The following ZFYVE9 variants were observed in gnomAD, a reference collection of about 807,000 sequenced individuals.
ZFYVE9 encodes zinc finger FYVE domain-containing protein 9.
In ZFYVE9, 43 loss-of-function variants were observed where a neutral mutation model predicts 126.7. The ratio of observed to expected loss-of-function variants is 0.34; its 90% CI spans 0.27 to 0.44. The LOEUF is 0.44. Among genes scored for constraint, ZFYVE9 ranks in the 20% least tolerant of loss-of-function variants. ZFYVE9 has a pLI of 1.00. For synonymous variants in ZFYVE9, 521 were observed against 597.4 expected, an observed-to-expected ratio of 0.87 and a Z score of 1.87; for missense variants, 1,476 against 1,697.0, an observed-to-expected ratio of 0.87 and a Z score of 2.29.
At chr1:52,256,926 C>T (rs1645526177) in intron 4 of ZFYVE9, among the ~76,000 whole-genome samples, 1 of 152,170 alleles carries the variant, frequency 6.6e-6, no homozygotes, top group South Asian at 2.1e-4. Context: ...TTATTATTCT[C>T]ACATCACAGT....
intron 7 of ZFYVE9, among the ~76,000 whole-genome samples, chr1:52,271,612 T>C (rs1023367665): frequency 6.6e-6 from 1 of 152,134 alleles, no homozygotes; most frequent in African/African-American, 2.4e-5. Flanking sequence ...CTTTTTATGA[T>C]ATTAAAAGGA....
chr1:52,246,672 C>T (rs189830974), intron 4 of ZFYVE9, among the ~76,000 whole-genome samples: 105 of 146,612 alleles, frequency 7.2e-4, no homozygotes, highest in African/African-American at 2.3e-3. Flanking sequence ...GCTGGGGCTA[C>T]GAGCATGTGC....
chr1:52,264,530 T>A (rs1268254250), intron 5 of ZFYVE9, among the ~76,000 whole-genome samples: 1 of 152,222 alleles, frequency 6.6e-6, no homozygotes, highest in African/African-American at 2.4e-5. Context: ...GCATATTAGT[T>A]AAAAACCCTG....
intron 10 of ZFYVE9, among the ~76,000 whole-genome samples, chr1:52,282,766 C>T (rs1208748176): frequency 1.3e-5 from 2 of 152,058 alleles, no homozygotes; most frequent in Non-Finnish European, 2.9e-5. Flanking sequence ...AACCTGAATG[C>T]CTTAGCTATA....
At chr1:52,189,320 T>A (rs956152321) in intron 1 of ZFYVE9, among the ~76,000 whole-genome samples, 13 of 151,674 alleles carry the variant, frequency 8.6e-5, no homozygotes, top group African/African-American at 3.2e-4. Flanking sequence ...CACTGCAACC[T>A]CTGCCTCCTG....
intron 1 of ZFYVE9, chr1:52,160,244 T>C (rs1225664526): frequency 2.3e-6 from 2 of 851,916 alleles, no homozygotes; most frequent in Non-Finnish European, 4.1e-6. Flanking sequence ...GGATGGACTT[T>C]ATTTTTCTCT....
intron 12 of ZFYVE9, among the ~76,000 whole-genome samples, chr1:52,298,806 G>GTTTTTTTTTT (rs747544817): frequency 9.2e-6 from 1 of 109,196 alleles, no homozygotes; most frequent in African/African-American, 3.9e-5. Flanking sequence ...CTTTGTCAAT[G>GTTTTTTTTTT]TTTTTTTTTT....
chr1:52,336,947 TAAAAAA>T (rs71041896), intron 15 of ZFYVE9, among the ~76,000 whole-genome samples: 49 of 107,852 alleles, frequency 4.5e-4, no homozygotes, highest in Non-Finnish European at 5.1e-4. Context: ...AGTCATCTCT[TAAAAAA>T]AAAAAAAAAA....
intron 10 of ZFYVE9, among the ~76,000 whole-genome samples, chr1:52,290,997 A>G (rs182738649): frequency 2.6e-5 from 4 of 152,292 alleles, no homozygotes; most frequent in Non-Finnish European, 2.9e-5. Flanking sequence ...ATTCAAACCC[A>G]TATCTCTGGG....
At chr1:52,257,117 G>A (rs2147790194) in intron 4 of ZFYVE9, among the ~76,000 whole-genome samples, 1 of 152,270 alleles carries the variant, frequency 6.6e-6, no homozygotes, top group East Asian at 1.9e-4. Context: ...TGAATATAAA[G>A]CATGTTCACA....
intron 1 of ZFYVE9, among the ~76,000 whole-genome samples, chr1:52,211,862 A>C (rs950464209): frequency 6.6e-6 from 1 of 152,196 alleles, no homozygotes; most frequent in African/African-American, 2.4e-5. Flanking sequence ...CTCACAAATA[A>C]TTCTTCTGTT....
intron 5 of ZFYVE9, chr1:52,264,087 AG>A: frequency 3.2e-6 from 1 of 315,618 alleles, no homozygotes; most frequent in Non-Finnish European, 5.8e-6. Context: ...TGCTAAAGCC[AG>A]GTAAGTTTTG....
rs965121545 is a variant in ZFYVE9, at chr1:52,166,184, A to G, written c.-143+23781A>G. On this transcript the variant is annotated intron_variant, in intron 1 of 18. Coordinates refer to ENST00000287727, the MANE Select transcript of ZFYVE9 (RefSeq NM_004799.4). ...GACGTTTTAGAACAACTGAGAGTGC[A>G]TGGCAGTGAAGAATAAGACTACCAG... 3.9e-5 allele frequency among the ~76,000 whole-genome samples: 6 copies of G among 152,264 alleles called. No individual in the cohort carries two copies. The South Asian group carries it at 6.2e-4, about 16-fold the overall frequency.
At position 52,346,383 on chromosome 1, in the gene ZFYVE9, G is replaced by A. The variant is rs545090767; in HGVS notation, c.*162G>A. 4 of 710,976 alleles carry A rather than the reference G, an allele frequency of 5.6e-6. No individual in the cohort carries two copies. The highest frequency in any genetic ancestry group is 3.4e-5 in the Admixed American group (1 of 29,750). The allele number at this position is 710,976 out of a possible 1,614,324, so 44.0% of individuals were successfully genotyped here. ...TTTGGGAGACGGGTGGGAAAGGGTG[G>A]TTGGGGGGACCGATGTTCCATAATT... On this transcript the variant is annotated 3_prime_UTR_variant, in exon 19 of 19. Transcript: ENST00000287727.
chr1:52,307,230 T>G (rs1239722282), intron 13 of ZFYVE9, among the ~76,000 whole-genome samples: 1 of 151,954 alleles, frequency 6.6e-6, no homozygotes, highest in Non-Finnish European at 1.5e-5. Flanking sequence ...AGTTATTTCT[T>G]TTTTTTTGTT....
intron 1 of ZFYVE9, among the ~76,000 whole-genome samples, chr1:52,184,093 G>T (rs576189714): frequency 6.6e-6 from 1 of 150,804 alleles, no homozygotes; most frequent in Non-Finnish European, 1.5e-5. Context: ...TTCACACAAC[G>T]GTCAGGTGAT....
At chr1:52,192,417 T>C (rs1024599126) in intron 1 of ZFYVE9, among the ~76,000 whole-genome samples, 1 of 152,146 alleles carries the variant, frequency 6.6e-6, no homozygotes, top group Non-Finnish European at 1.5e-5. Context: ...GAGACAAGAG[T>C]AGATAAGTTA....
At chr1:52,315,940 C>T (rs1008418609) in intron 13 of ZFYVE9, among the ~76,000 whole-genome samples, 11 of 151,824 alleles carry the variant, frequency 7.2e-5, no homozygotes, top group African/African-American at 2.4e-5. Context: ...CCGAGGCAGG[C>T]AGATCACTTG....
At chr1:52,336,226 T>G (rs2147872984) in intron 15 of ZFYVE9, among the ~76,000 whole-genome samples, 1 of 152,234 alleles carries the variant, frequency 6.6e-6, no homozygotes, top group South Asian at 2.1e-4. Context: ...ATACTAGCTT[T>G]GGTCTTCTTT....
Sources: allele counts gnomAD v4.1 joint callset (sites outside exome capture counted in the v4.1 genomes callset), GRCh38; gene constraint gnomAD v4.1.1; transcripts MANE v1.5; gene names NCBI Gene and HGNC (gene_info 2026-07-23, HGNC 2026-07-21).